Variants in RIPOR3 observed in about 807,000 individuals in gnomAD.
The protein encoded by RIPOR3 is family with sequence similarity 65 member C.
Under a neutral mutation model 114.3 loss-of-function variants are expected in RIPOR3, and 95 were observed. The ratio of observed to expected loss-of-function variants is 0.83; its 90% CI spans 0.70 to 0.99. The LOEUF (loss-of-function observed/expected upper bound fraction) is 0.99, where lower values mean the gene tolerates loss of function less well. Among genes scored for constraint, RIPOR3 ranks in the 50% least tolerant of loss-of-function variants. The probability of loss-of-function intolerance (pLI) is 0.00; values close to 1 mark genes in which losing one functional copy is unlikely to be tolerated. For synonymous variants in RIPOR3, 575 were observed against 543.8 expected (o/e 1.06, Z -0.80); for missense variants, 1,252 against 1,266.9 (o/e 0.99, Z 0.18).
chr20:50,629,375 A>G (rs1401383702), intron 2 of RIPOR3, among the ~76,000 whole-genome samples: 7 of 152,166 alleles, frequency 4.6e-5, no homozygotes, highest in Non-Finnish European at 7.4e-5. Flanking sequence ...AAACTGCCCC[A>G]GTCCCCAGGC....
chr20:50,636,443 C>G, intron 1 of RIPOR3: 1 of 551,872 alleles, frequency 1.8e-6, no homozygotes, highest in Non-Finnish European at 2.3e-6. Flanking sequence ...GGGGAGGCAT[C>G]AGGAAGAGAG....
At chr20:50,655,896 G>T (rs2085793484) in intron 1 of RIPOR3, among the ~76,000 whole-genome samples, 1 of 151,850 alleles carries the variant, frequency 6.6e-6, no homozygotes, top group African/African-American at 2.4e-5. Flanking sequence ...CTAGTAAATT[G>T]CTCCCTCTAC....
At chr20:50,615,924 G>A in intron 4 of RIPOR3, 78 bp downstream of exon 4, 5 of 1,370,720 alleles carry the variant, frequency 3.6e-6, no homozygotes, top group Non-Finnish European at 5.1e-6. Flanking sequence ...CGTGACATAG[G>A]CTAGAAGGAA....
At chr20:50,605,616 A>C (rs2083681032) in intron 11 of RIPOR3, among the ~76,000 whole-genome samples, 1 of 151,910 alleles carries the variant, frequency 6.6e-6, no homozygotes, top group Non-Finnish European at 1.5e-5. Context: ...CAAAAAATGA[A>C]TACATTAGCT....
At chr20:50,651,623 G>A (rs930416816) in intron 1 of RIPOR3, among the ~76,000 whole-genome samples, 2 of 152,128 alleles carry the variant, frequency 1.3e-5, no homozygotes, top group African/African-American at 2.4e-5. Flanking sequence ...GCTGTGGAAC[G>A]TTGTCCACAC....
chr20:50,679,621 T>A (rs867654555), intron 1 of RIPOR3, among the ~76,000 whole-genome samples: 120 of 89,470 alleles, frequency 1.3e-3, no homozygotes, highest in Middle Eastern at 0.013. Context: ...AAAAAAAAAT[T>A]AGCCGGGCGT....
At chr20:50,676,873 G>A (rs905381143) in intron 1 of RIPOR3, among the ~76,000 whole-genome samples, 1 of 145,912 alleles carries the variant, frequency 6.9e-6, no homozygotes, top group African/African-American at 2.5e-5. Context: ...CAAAGTGCTA[G>A]GATTACAGGT....
rs1355256697 is a variant in RIPOR3 at position 50,595,188 on chromosome 20, G to A, written c.2050+181C>T. 4 of 742,048 alleles carry A rather than the reference G, an allele frequency of 5.4e-6. No homozygotes were observed. The Admixed American group carries it at 9.6e-5, about 18-fold the overall frequency. 46.0% of individuals were successfully genotyped at this position (742,048 alleles called of 1,614,324 possible). ...GACTGAAGAGTGTGCTGCAACTCCA[G>A]GACTTGTCTCCCTTACCTCCCCACA... On this transcript the variant is annotated intron_variant, in intron 16 of 21. Coordinates refer to ENST00000327979, the MANE Select transcript of RIPOR3 (RefSeq NM_001290268.2).
intron 1 of RIPOR3, among the ~76,000 whole-genome samples, chr20:50,647,676 G>A (rs1035662203): frequency 6.6e-6 from 1 of 151,294 alleles, no homozygotes; most frequent in Non-Finnish European, 1.5e-5. Flanking sequence ...TAGAGACAGG[G>A]TTTCACCGTG....
intron 1 of RIPOR3, among the ~76,000 whole-genome samples, chr20:50,660,881 C>A (rs571356835): frequency 6.6e-5 from 10 of 151,200 alleles, no homozygotes; most frequent in South Asian, 4.2e-4. Flanking sequence ...CAGCACCCCC[C>A]ACCTATGCCC....
chr20:50,685,052 T>C (rs1281537558), intron 1 of RIPOR3, among the ~76,000 whole-genome samples: 1 of 152,022 alleles, frequency 6.6e-6, no homozygotes, highest in Non-Finnish European at 1.5e-5. Flanking sequence ...AGTGCTGAGA[T>C]TGTAGGTGTG....
At chr20:50,626,301 G>A (rs2084617495) in intron 2 of RIPOR3, among the ~76,000 whole-genome samples, 1 of 152,238 alleles carries the variant, frequency 6.6e-6, no homozygotes, top group East Asian at 1.9e-4. Context: ...GGGCTGCCCA[G>A]GGACCTCCGA....
At chr20:50,641,473 C>T (rs1291060245) in intron 1 of RIPOR3, among the ~76,000 whole-genome samples, 1 of 152,174 alleles carries the variant, frequency 6.6e-6, no homozygotes, top group East Asian at 1.9e-4. Flanking sequence ...GCCTCCAACT[C>T]CTGGACTGAA....
At chr20:50,596,880 A>C (rs545576173) in intron 14 of RIPOR3, 1 of 156,818 alleles carries the variant, frequency 6.4e-6, no homozygotes, top group African/African-American at 2.4e-5. Flanking sequence ...GGAAGCTGTC[A>C]TGAGAGGTGT....
chr20:50,597,822 A>G (rs1437577619), intron 13 of RIPOR3, 112 bp from the exon 14 acceptor site: 5 of 1,441,514 alleles, frequency 3.5e-6, no homozygotes, highest in Non-Finnish European at 3.7e-6. Context: ...CCCAAGCCCC[A>G]ATCCCACACA....
intron 1 of RIPOR3, among the ~76,000 whole-genome samples, chr20:50,685,459 C>T (rs974375185): frequency 6.6e-6 from 1 of 151,594 alleles, no homozygotes; most frequent in African/African-American, 2.4e-5. Flanking sequence ...TCGTGATCCA[C>T]GTGCCTCGGC....
Position 50,604,682 on chromosome 20 carries a change from G to A in RIPOR3, c.1049C>T (p.Pro350Leu), listed in dbSNP as rs1404718455. Residue 350 changes from proline to leucine, a missense_variant, in exon 12 of 22, where the codon CCC becomes CTC. Transcript: ENST00000327979. ...SRKGSLYNWTPPSTPSFRERY... is the reference protein window; with the variant it reads ...SRKGSLYNWTLPSTPSFRERY... ...CTCCCGGAAGCTGGGGGTGCTCGGG[G>A]GTGTCCAGTTGTACAAGGAGCCCTT... 1.2e-6 allele frequency: 2 copies of A among 1,609,524 alleles called. No individual in the cohort carries two copies. Among genetic ancestry groups the A allele is most frequent in the Non-Finnish European group, 1.7e-6 (2 of 1,178,322 alleles).
intron 2 of RIPOR3, among the ~76,000 whole-genome samples, chr20:50,625,070 G>GTT (rs11482142): frequency 0.013 from 1,737 of 136,794 alleles, 29 homozygotes; most frequent in African/African-American, 0.046. Context: ...CAGTGCTTTT[G>GTT]TTTTTTTTTT....
intron 1 of RIPOR3, among the ~76,000 whole-genome samples, chr20:50,657,798 G>C (rs1251530642): frequency 7.0e-6 from 1 of 142,988 alleles, no homozygotes; most frequent in Non-Finnish European, 1.5e-5. Context: ...CTGTTGCCCA[G>C]GCTGGAGTGC....
Sources: gnomAD v4.1 joint callset for allele counts (sites outside exome capture counted in the v4.1 genomes callset) on GRCh38, gnomAD v4.1.1 for gene constraint, MANE v1.5 for transcripts, NCBI Gene and HGNC (gene_info 2026-07-23, HGNC 2026-07-21) for gene names.